The following RSF1 variants were observed in gnomAD, a reference collection of about 807,000 sequenced individuals.
RSF1 encodes HBV pX-associated protein 8.
RSF1 carries 13 observed loss-of-function variants against 145.2 expected under a neutral mutation model. The observed-to-expected ratio is 0.09, with a 90% CI of 0.06 to 0.14. RSF1 has a LOEUF of 0.14. Among genes scored for constraint, RSF1 ranks in the 10% least tolerant of loss-of-function variants. RSF1 has a pLI of 1.00. For synonymous variants in RSF1, 577 were observed against 592.6 expected, an observed-to-expected ratio of 0.97 and a Z score of 0.38; for missense variants, 1,517 against 1,718.2, an observed-to-expected ratio of 0.88 and a Z score of 2.07.
intron 7 of RSF1, among the ~76,000 whole-genome samples, chr11:77,695,296 G>A (rs571716372): frequency 2.2e-4 from 34 of 152,008 alleles, no homozygotes; most frequent in African/African-American, 7.2e-4. Flanking sequence ...GCATTTGCCG[G>A]GGATTCTGCT....
intron 5 of RSF1, among the ~76,000 whole-genome samples, chr11:77,706,544 C>T (rs907226114): frequency 6.6e-6 from 1 of 152,118 alleles, no homozygotes; most frequent in Non-Finnish European, 1.5e-5. Flanking sequence ...CCAGAAACTT[C>T]AGCCACATCG....
At position 77,701,403 on chromosome 11, in the gene RSF1, T is replaced by C. The variant is rs1166387058; in HGVS notation, c.1826A>G (p.Glu609Gly). Residue 609 changes from glutamate (E) to glycine (G), a missense_variant, in exon 6 of 16, where the codon GAA becomes GGA. Physicochemically the swap from Glu to Gly is moderately conservative, Grantham distance 98. Transcript: ENST00000308488. ...DAQRLSPIPE[E>G]VPKSTLESEK... is the part of the protein sequence containing the mutation. ...TGACTCTAGAGTACTCTTTGGAACT[T>C]CTTCTGGTATTGGACTCAATCTTTG... The C allele has an allele frequency of 6.2e-7, 1 of 1,613,928 alleles. No individual in the cohort carries two copies. The highest frequency in any genetic ancestry group is 8.5e-7 in the Non-Finnish European group (1 of 1,179,998).
At chr11:77,818,077 A>G (rs1315728944) in intron 1 of RSF1, among the ~76,000 whole-genome samples, 6 of 152,224 alleles carry the variant, frequency 3.9e-5, no homozygotes, top group Non-Finnish European at 8.8e-5. Flanking sequence ...GATAGGATCT[A>G]TTATTATCAG....
At chr11:77,716,384 CAGAT>C (rs1960809725) in intron 5 of RSF1, among the ~76,000 whole-genome samples, 1 of 152,058 alleles carries the variant, frequency 6.6e-6, no homozygotes, top group Non-Finnish European at 1.5e-5. Flanking sequence ...TGTCCATTAA[CAGAT>C]AGAAGGATAA....
At chr11:77,681,405 C>A (rs1015897905) in intron 11 of RSF1, among the ~76,000 whole-genome samples, 3 of 151,990 alleles carry the variant, frequency 2.0e-5, no homozygotes, top group Admixed American at 1.3e-4. Flanking sequence ...TGTGCAATTT[C>A]CTTCCTTCCC....
the RSF1 span, chr11:77,866,640 G>A: frequency 6.6e-6 from 1 of 151,816 alleles, no homozygotes; most frequent in African/African-American, 2.4e-5. Flanking sequence ...AGTCTCCTAT[G>A]ACCTTACACT....
chr11:77,733,159 A>G (rs1253866154), intron 4 of RSF1, among the ~76,000 whole-genome samples: 1 of 152,220 alleles, frequency 6.6e-6, no homozygotes, highest in Non-Finnish European at 1.5e-5. Context: ...ACTTTCCCAA[A>G]GTGGTTGTAT....
chr11:77,670,534 C>T (rs1959493279), intron 15 of RSF1, among the ~76,000 whole-genome samples: 1 of 152,102 alleles, frequency 6.6e-6, no homozygotes, highest in Admixed American at 6.5e-5. Context: ...TTGTCACCTT[C>T]TTCCCAACTA....
rs1328518816 is a variant in RSF1 at position 77,664,272 on chromosome 11, T to G, written c.*2645A>C. ...TTATCAACCGCTTGGATTACATTCT[T>G]GGTAGATGACCTATAGTTAATTGAT... On this transcript the variant is annotated 3_prime_UTR_variant, in exon 16 of 16. Coordinates refer to ENST00000308488, the MANE Select transcript of RSF1 (RefSeq NM_016578.4). 1 of 152,186 alleles carries G rather than the reference T, an allele frequency of 6.6e-6. No individual in the cohort carries two copies. Among genetic ancestry groups the G allele is most frequent in the East Asian group, 1.9e-4 (1 of 5,202 alleles). 9.4% of individuals were successfully genotyped at this position (152,186 alleles called of 1,614,324 possible).
intron 1 of RSF1, among the ~76,000 whole-genome samples, chr11:77,811,646 A>C (rs1346605052): frequency 1.3e-5 from 2 of 152,214 alleles, no homozygotes; most frequent in Non-Finnish European, 2.9e-5. Context: ...AAAAAGCATA[A>C]ATGTAAAACA....
At chr11:77,718,874 C>T (rs1960878689) in intron 5 of RSF1, among the ~76,000 whole-genome samples, 3 of 152,138 alleles carry the variant, frequency 2.0e-5, no homozygotes, top group Admixed American at 2.0e-4. Context: ...TATTATTTTG[C>T]CACATAGAAC....
chr11:77,707,933 G>C lies in RSF1; in HGVS notation c.734-5438C>G, dbSNP rs375429301. On this transcript the variant is annotated intron_variant, in intron 5 of 15. Transcript: ENST00000308488. ...GTAACCACGCCTAGAATAATGACTA[G>C]AAAGAAACAGAACACAATGTTAACA... 2.0e-5 allele frequency among the ~76,000 whole-genome samples: 3 copies of C among 152,254 alleles called. No individual in the cohort carries two copies. In the South Asian group the frequency reaches 6.2e-4, roughly 32 times the overall value.
chr11:77,733,442 T>G (rs1388483474), intron 4 of RSF1, among the ~76,000 whole-genome samples: 1 of 151,924 alleles, frequency 6.6e-6, no homozygotes. Context: ...CTTTCTGTAG[T>G]CCCACTAAGA....
rs1398439305 is a variant in RSF1, at chr11:77,664,417, C to G, written c.*2500G>C. 6.6e-6 allele frequency: 1 copy of G among 152,152 alleles called. No individual in the cohort carries two copies. Among genetic ancestry groups the G allele is most frequent in the Non-Finnish European group, 1.5e-5 (1 of 68,034 alleles). 9.4% of individuals were successfully genotyped at this position (152,152 alleles called of 1,614,324 possible). A position where few individuals can be genotyped will look rare whatever the true frequency, so the allele number is the denominator to read the frequency against. ...GGTCTCCAAACCTAAATGGAATACT[C>G]AGTCTTTGAGATGGTAAGAATTACC... is the stretch of plus-strand genomic sequence containing the variant. On this transcript the variant is annotated 3_prime_UTR_variant, in exon 16 of 16. Transcript: ENST00000308488.
intron 1 of RSF1, among the ~76,000 whole-genome samples, chr11:77,765,908 C>T (rs918783769): frequency 8.5e-5 from 13 of 152,066 alleles, no homozygotes; most frequent in African/African-American, 2.4e-4. Context: ...CCACTACTCC[C>T]GGCTAGTTTT....
chr11:77,758,198 A>ACCACTC (rs1948135183), intron 2 of RSF1, among the ~76,000 whole-genome samples: 1 of 152,168 alleles, frequency 6.6e-6, no homozygotes, highest in South Asian at 2.1e-4. Flanking sequence ...GGAAAGCAAT[A>ACCACTC]ACAAGTCTAC....
chr11:77,776,853 G>A (rs1398013119), intron 1 of RSF1, among the ~76,000 whole-genome samples: 1 of 152,170 alleles, frequency 6.6e-6, no homozygotes, highest in Non-Finnish European at 1.5e-5. Flanking sequence ...TTTTCTCTAT[G>A]TGAACATTTG....
intron 9 of RSF1, among the ~76,000 whole-genome samples, chr11:77,686,676 C>T (rs1427730215): frequency 6.6e-6 from 1 of 152,004 alleles, no homozygotes; most frequent in Non-Finnish European, 1.5e-5. Context: ...GCTATTAAAA[C>T]TGGTATGTTT....
intron 5 of RSF1, among the ~76,000 whole-genome samples, chr11:77,721,255 A>G (rs1213659760): frequency 1.3e-5 from 2 of 152,170 alleles, no homozygotes; most frequent in Non-Finnish European, 2.9e-5. Flanking sequence ...GACTGTTTCC[A>G]GCTTTTGACA....
Sources: allele counts gnomAD v4.1 joint callset (sites outside exome capture counted in the v4.1 genomes callset), GRCh38; gene constraint gnomAD v4.1.1; transcripts MANE v1.5; gene names NCBI Gene and HGNC (gene_info 2026-07-23, HGNC 2026-07-21).